Variants in SNX9 observed in about 807,000 individuals in gnomAD.
SNX9 encodes sorting nexin-9.
A neutral mutation model predicts 89.4 loss-of-function variants in SNX9; 44 were observed. The observed-to-expected ratio is 0.49, with a 90% CI of 0.39 to 0.63. The LOEUF (loss-of-function observed/expected upper bound fraction) is 0.63. Among genes scored for constraint, SNX9 ranks in the 30% least tolerant of loss-of-function variants. SNX9 has a pLI of 0.00. For synonymous variants in SNX9, 236 were observed against 247.8 expected (o/e 0.95, Z 0.45); for missense variants, 578 against 736.1 (o/e 0.79, Z 2.49).
In SNX9 at chr6:157,823,439, C is replaced by A; in HGVS notation, c.5C>A (p.Ala2Asp). 2 of 1,240,336 alleles carry A rather than the reference C, an allele frequency of 1.6e-6. No homozygotes were observed. The highest frequency in any genetic ancestry group is 2.6e-5 in the South Asian group (1 of 37,888). The allele number at this position is 1,240,336 out of a possible 1,614,324, so 76.8% of individuals were successfully genotyped here. The stretch of plus-strand genomic sequence containing the variant: ...GGGCCGGGGGACCCGCCCGCCATGG[C>A]CACCAAGGTGAGGGGCGCGCGGCGC... The part of the protein sequence containing the change: M[A>D]TKARVMYDFA... The change falls in exon 1 of 18, where the codon GCC becomes GAC. Residue 2 changes from alanine (A) to aspartate (D), a missense_variant. By Grantham distance (126) the Ala-to-Asp change is moderately radical. Coordinates refer to ENST00000392185, the MANE Select transcript of SNX9 (RefSeq NM_016224.5). This position sits in a 1 kb window ranked among gnomAD's most constrained non-coding sequence, Gnocchi z 4.6.
At chr6:157,828,840 C>G (rs1239133914) in intron 1 of SNX9, among the ~76,000 whole-genome samples, 1 of 152,142 alleles carries the variant, frequency 6.6e-6, no homozygotes, top group African/African-American at 2.4e-5. Flanking sequence ...TGTCCCCGCC[C>G]CTGTTTCAGG....
chr6:157,893,608 T>TTGTGTGTG (rs3047741), intron 4 of SNX9, among the ~76,000 whole-genome samples: 3,629 of 148,818 alleles, frequency 0.024, 55 homozygotes, highest in Non-Finnish European at 0.03. Context: ...CTAGCACCAT[T>TTGTGTGTG]TGTGTGTGTG....
chr6:157,842,980 A>G (rs2115115120), intron 1 of SNX9, among the ~76,000 whole-genome samples: 1 of 152,342 alleles, frequency 6.6e-6, no homozygotes, highest in East Asian at 1.9e-4. Context: ...CCATGGATCA[A>G]ATTCTTTCCC....
rs983680300 is a variant in SNX9, at chr6:157,943,095, A to G, written c.*257A>G. Reference sequence around the variant, plus strand: ...TTTTGGAAAGTACTTAAAAGTTACCAGAATTTTCAATGGAAAATGAGGGGT... The same window carrying G: ...TTTTGGAAAGTACTTAAAAGTTACCGGAATTTTCAATGGAAAATGAGGGGT... On this transcript the variant is annotated 3_prime_UTR_variant, in exon 18 of 18. Coordinates refer to ENST00000392185, the MANE Select transcript of SNX9 (RefSeq NM_016224.5). The G allele has an allele frequency of 2.4e-5, 8 of 340,342 alleles. No homozygotes were observed. The highest frequency in any genetic ancestry group is 1.7e-4 in the African/African-American group (8 of 47,160). The allele number at this position is 340,342 out of a possible 1,614,324, so 21.1% of individuals were successfully genotyped here.
chr6:157,844,592 T>TTTGTTTG (rs199999075), intron 1 of SNX9, among the ~76,000 whole-genome samples: 1 of 137,514 alleles, frequency 7.3e-6, no homozygotes, highest in African/African-American at 2.9e-5. Context: ...TCCTTGTTTT[T>TTTGTTTG]TTTTTTTGTT....
chr6:157,888,571 G>A (rs1050185938), intron 4 of SNX9, among the ~76,000 whole-genome samples: 3 of 152,122 alleles, frequency 2.0e-5, no homozygotes, highest in African/African-American at 7.2e-5. Context: ...TTATTTTAAG[G>A]TGGATATTTT....
chr6:157,889,756 T>G (rs1782817543), intron 4 of SNX9, among the ~76,000 whole-genome samples: 1 of 152,254 alleles, frequency 6.6e-6, no homozygotes, highest in African/African-American at 2.4e-5. Flanking sequence ...TATAACTGTC[T>G]GGTCTTTTCC....
intron 1 of SNX9, among the ~76,000 whole-genome samples, chr6:157,858,679 T>C (rs900986451): frequency 1.3e-5 from 2 of 152,140 alleles, no homozygotes; most frequent in Non-Finnish European, 2.9e-5. Context: ...ACTGGGTAAT[T>C]TATAAAGAAA....
intron 1 of SNX9, among the ~76,000 whole-genome samples, chr6:157,848,689 G>A (rs1262074642): frequency 6.6e-6 from 1 of 152,224 alleles, no homozygotes; most frequent in Non-Finnish European, 1.5e-5. Flanking sequence ...AAATGGCTGT[G>A]TCAGGTACTG....
intron 5 of SNX9, among the ~76,000 whole-genome samples, chr6:157,897,794 G>A (rs1783011685): frequency 6.6e-6 from 1 of 152,200 alleles, no homozygotes; most frequent in Admixed American, 6.5e-5. Flanking sequence ...GGGATTACAG[G>A]TGTGAGCCAC....
intron 1 of SNX9, among the ~76,000 whole-genome samples, chr6:157,861,741 T>G (rs1002464971): frequency 2.0e-5 from 3 of 152,210 alleles, no homozygotes; most frequent in African/African-American, 7.2e-5. Flanking sequence ...GTGTGTACTA[T>G]GTTTTTTCTA....
intron 9 of SNX9, among the ~76,000 whole-genome samples, chr6:157,911,266 G>C (rs1052081464): frequency 6.6e-6 from 1 of 152,188 alleles, no homozygotes; most frequent in Non-Finnish European, 1.5e-5. Flanking sequence ...TCAAAGGTCA[G>C]AGCCAGAGAG....
At chr6:157,925,279 T>C (rs1289331071) in intron 10 of SNX9, among the ~76,000 whole-genome samples, 1 of 150,842 alleles carries the variant, frequency 6.6e-6, no homozygotes, top group Non-Finnish European at 1.5e-5. Flanking sequence ...AATCAATAAA[T>C]ACACATTAAA....
At chr6:157,931,261 A>T (rs781037323) in intron 12 of SNX9, among the ~76,000 whole-genome samples, 1 of 151,952 alleles carries the variant, frequency 6.6e-6, no homozygotes, top group Non-Finnish European at 1.5e-5. Context: ...GGTACAATTT[A>T]TTAAAATTAA....
intron 12 of SNX9, among the ~76,000 whole-genome samples, 157 bp from the exon 13 acceptor site, chr6:157,932,038 A>T (rs958463696): frequency 1.3e-5 from 2 of 152,232 alleles, no homozygotes; most frequent in African/African-American, 4.8e-5. Flanking sequence ...AAAGAAATCA[A>T]TTGAAAAAAC....
chr6:157,838,674 CTAGTT>C (rs1386303442), intron 1 of SNX9, among the ~76,000 whole-genome samples: 5 of 152,164 alleles, frequency 3.3e-5, no homozygotes, highest in South Asian at 4.1e-4. Flanking sequence ...GATCATTTCT[CTAGTT>C]TAGGGAATGG....
At chr6:157,911,976 G>A (rs1274337735) in intron 9 of SNX9, among the ~76,000 whole-genome samples, 1 of 152,194 alleles carries the variant, frequency 6.6e-6, no homozygotes, top group African/African-American at 2.4e-5. Flanking sequence ...TGGTGCTGGG[G>A]CGGTGGAGTG....
At chr6:157,849,807 CTGA>C (rs1255552016) in intron 1 of SNX9, among the ~76,000 whole-genome samples, 3 of 152,122 alleles carry the variant, frequency 2.0e-5, no homozygotes, top group Admixed American at 1.3e-4. Flanking sequence ...TGCTGGAATG[CTGA>C]TGAGGCCTTG....
intron 13 of SNX9, among the ~76,000 whole-genome samples, chr6:157,935,315 G>A (rs1036525864): frequency 6.6e-6 from 1 of 152,270 alleles, no homozygotes; most frequent in South Asian, 2.1e-4. Context: ...GGTCATTCTA[G>A]GTAACGATCA....
Sources: gnomAD v4.1 joint callset for allele counts (sites outside exome capture counted in the v4.1 genomes callset) on GRCh38, gnomAD v4.1.1 for gene constraint, Gnocchi (gnomAD v3.1) non-coding constraint, MANE v1.5 for transcripts, NCBI Gene and HGNC (gene_info 2026-07-23, HGNC 2026-07-21) for gene names.